Variants in SORCS1 observed in about 807,000 individuals in gnomAD.
SORCS1 encodes the protein sortilin related VPS10 domain containing receptor 1.
In SORCS1, 60 loss-of-function variants were observed where a neutral mutation model predicts 146.1. The ratio of observed to expected loss-of-function variants is 0.41; its 90% CI spans 0.33 to 0.51. SORCS1 has a LOEUF of 0.51. Ranked by LOEUF, SORCS1 falls within the 20% of genes least tolerant of loss-of-function variation. The pLI, the probability that SORCS1 is intolerant of heterozygous loss-of-function variation, is 0.21. For missense variants in SORCS1, 1,352 were observed against 1,487.6 expected (o/e 0.91, Z 1.50); for synonymous variants, 637 against 584.0 (o/e 1.09, Z -1.31).
intron 1 of SORCS1, among the ~76,000 whole-genome samples, chr10:107,115,394 C>T (rs1171086151): frequency 6.6e-6 from 1 of 151,922 alleles, no homozygotes; most frequent in Admixed American, 6.6e-5. Context: ...ACGGTATTGG[C>T]ATAAAAACAG....
At chr10:106,596,714 A>G (rs1845926756) in intron 24 of SORCS1, among the ~76,000 whole-genome samples, 1 of 152,198 alleles carries the variant, frequency 6.6e-6, no homozygotes, top group Non-Finnish European at 1.5e-5. Flanking sequence ...TCTTTGTAAT[A>G]TGAATATGTT....
chr10:106,646,345 A>T (rs1849430513), intron 18 of SORCS1, among the ~76,000 whole-genome samples: 1 of 152,172 alleles, frequency 6.6e-6, no homozygotes, highest in Non-Finnish European at 1.5e-5. Flanking sequence ...TTGCTGTTTT[A>T]AAAAAGTCTT....
chr10:106,981,459 A>G (rs1449992125), intron 1 of SORCS1, among the ~76,000 whole-genome samples: 2 of 152,212 alleles, frequency 1.3e-5, no homozygotes, highest in Admixed American at 6.5e-5. Context: ...AACACCAACT[A>G]CAAACAAAAT....
intron 2 of SORCS1, among the ~76,000 whole-genome samples, chr10:106,842,060 T>C (rs1329638266): frequency 6.6e-6 from 1 of 152,214 alleles, no homozygotes; most frequent in African/African-American, 2.4e-5. Context: ...TCAGAGTTCC[T>C]GTTGTTTCAC....
intron 6 of SORCS1, among the ~76,000 whole-genome samples, chr10:106,718,089 T>A (rs980133065): frequency 6.6e-6 from 1 of 152,206 alleles, no homozygotes; most frequent in Non-Finnish European, 1.5e-5. Flanking sequence ...GAAGGCTGCC[T>A]GGAATGATGA....
rs370556758 is a variant in SORCS1, at chr10:106,607,264, C to T, written c.3067G>A (p.Ala1023Thr). The T allele has an allele frequency of 1.9e-4, 299 of 1,614,082 alleles. 1 individual carries two copies. In the Middle Eastern group the frequency reaches 2.0e-3, roughly 11 times the overall value. The change falls in exon 23 of 26, where the codon GCG (alanine) becomes ACG (threonine). Residue 1023 changes from alanine to threonine, a missense_variant. Ala to Thr is a moderately conservative substitution (Grantham distance 58). Transcript: ENST00000263054. The part of the protein sequence containing the change: ...TGVPGQHILV[A>T]VLPGLPTTAE... Reference sequence around the variant, plus strand: ...GTGGTGGGTAAGCCAGGGAGCACCGCCACCAGGATGTGCTGGCCTGGAACC... The same window carrying T: ...GTGGTGGGTAAGCCAGGGAGCACCGTCACCAGGATGTGCTGGCCTGGAACC...
intron 3 of SORCS1, among the ~76,000 whole-genome samples, chr10:106,813,138 T>C (rs1336555487): frequency 7.0e-6 from 1 of 143,348 alleles, no homozygotes; most frequent in Non-Finnish European, 1.5e-5. Flanking sequence ...CTTTTTTTTT[T>C]TTTTTTTTTT....
chr10:107,013,442 C>A (rs1957766596), intron 1 of SORCS1, among the ~76,000 whole-genome samples: 1 of 152,166 alleles, frequency 6.6e-6, no homozygotes, highest in Middle Eastern at 3.4e-3. Context: ...TGGAGTCACA[C>A]ACAGATAGCC....
rs141245753 is a variant in SORCS1, at chr10:106,679,490, C to T, written c.1663+142G>A. 1.5e-4 allele frequency: 141 copies of T among 947,782 alleles called. No individual in the cohort carries two copies. The African/African-American group carries it at 1.8e-3, about 12-fold the overall frequency. The allele number at this position is 947,782 out of a possible 1,614,324, so 58.7% of individuals were successfully genotyped here. ...TGCTTCAGGTCCAATGGTTTAGGTG[C>T]CTTTCAAAATTATTTTTAGCTTGCT... On this transcript the variant is annotated intron_variant, in intron 11 of 25. Coordinates refer to ENST00000263054, the MANE Select transcript of SORCS1 (RefSeq NM_052918.5).
intron 2 of SORCS1, among the ~76,000 whole-genome samples, chr10:106,954,393 T>C (rs1211497096): frequency 6.6e-6 from 1 of 152,080 alleles, no homozygotes; most frequent in East Asian, 1.9e-4. Flanking sequence ...ATTGAAGCAA[T>C]ATAGTAGGTG....
chr10:106,637,398 G>A (rs1227043763), intron 18 of SORCS1, among the ~76,000 whole-genome samples: 2 of 152,256 alleles, frequency 1.3e-5, no homozygotes, highest in South Asian at 2.1e-4. Flanking sequence ...ACTGAGCTCT[G>A]GAAGATGACT....
intron 1 of SORCS1, among the ~76,000 whole-genome samples, chr10:107,062,510 T>G (rs544440419): frequency 1.3e-5 from 2 of 152,222 alleles, no homozygotes; most frequent in South Asian, 4.1e-4. Context: ...GGAGATGTAA[T>G]GTTAAATCAC....
intron 1 of SORCS1, among the ~76,000 whole-genome samples, chr10:106,974,696 C>A (rs567097673): frequency 5.9e-5 from 9 of 152,286 alleles, no homozygotes; most frequent in African/African-American, 1.9e-4. Flanking sequence ...ACCCTGTCTG[C>A]AGCAGAACTA....
intron 4 of SORCS1, among the ~76,000 whole-genome samples, chr10:106,776,084 T>A (rs1860412329): frequency 6.6e-6 from 1 of 152,208 alleles, no homozygotes; most frequent in Non-Finnish European, 1.5e-5. Context: ...TCATTATTGT[T>A]CCTCTGGCCA....
intron 1 of SORCS1, among the ~76,000 whole-genome samples, chr10:107,104,657 T>G (rs1965180309): frequency 1.3e-5 from 2 of 152,238 alleles, no homozygotes; most frequent in Admixed American, 6.5e-5. Context: ...CTTCCAGGAT[T>G]TGGCAATTTG....
In SORCS1 at chr10:106,671,262, C is replaced by A; in HGVS notation, c.2164G>T (p.Val722Phe). The change falls in exon 16 of 26, where the codon GTC (valine) becomes TTC (phenylalanine). Residue 722 changes from valine (V) to phenylalanine (F), a missense_variant. By Grantham distance (50) the Val-to-Phe change is conservative (BLOSUM62 -1). Coordinates refer to ENST00000263054, the MANE Select transcript of SORCS1 (RefSeq NM_052918.5). Reference sequence around the variant, plus strand: ...CAATCAAAATCAGCCTCAGTGCAGACACAGGGTTCAGATTCCATAGCTCCT... The same window carrying A: ...CAATCAAAATCAGCCTCAGTGCAGAAACAGGGTTCAGATTCCATAGCTCCT... ...YAGAMESEPC[V>F]CTEADFDCDY... 1.2e-6 allele frequency: 2 copies of A among 1,614,136 alleles called. No homozygotes were observed. The highest frequency in any genetic ancestry group is 2.2e-5 in the South Asian group (2 of 91,086).
At chr10:106,729,264 T>A (rs1056384705) in intron 6 of SORCS1, among the ~76,000 whole-genome samples, 1 of 152,222 alleles carries the variant, frequency 6.6e-6, no homozygotes, top group African/African-American at 2.4e-5. Flanking sequence ...TGCTTCTTCA[T>A]ATGTGAAATG....
chr10:106,980,654 G>A (rs904737562), intron 1 of SORCS1, among the ~76,000 whole-genome samples: 1 of 152,184 alleles, frequency 6.6e-6, no homozygotes, highest in African/African-American at 2.4e-5. Flanking sequence ...GCCTTGCTGA[G>A]CTCTGTCTAA....
At chr10:106,754,786 T>C (rs532668589) in intron 5 of SORCS1, among the ~76,000 whole-genome samples, 4 of 152,196 alleles carry the variant, frequency 2.6e-5, no homozygotes, top group African/African-American at 7.2e-5. Context: ...CCTTGAAACA[T>C]AGCTGGCATT....
Sources: gnomAD v4.1 joint callset for allele counts (sites outside exome capture counted in the v4.1 genomes callset) on GRCh38, gnomAD v4.1.1 for gene constraint, MANE v1.5 for transcripts, NCBI Gene and HGNC (gene_info 2026-07-23, HGNC 2026-07-21) for gene names.